The following PCCA variants were observed in gnomAD, a reference collection of about 807,000 sequenced individuals.
PCCA encodes the protein propionyl-CoA carboxylase alpha chain, mitochondrial.
PCCA carries 74 observed loss-of-function variants against 101.3 expected under a neutral mutation model. That is an observed-to-expected ratio of 0.73 (90% CI 0.61 to 0.89). The LOEUF is 0.89. Among genes scored for constraint, PCCA ranks in the 40% least tolerant of loss-of-function variants. The pLI, the probability that PCCA is intolerant of heterozygous loss-of-function variation, is 0.00. For synonymous variants in PCCA, 294 were observed against 313.6 expected, an observed-to-expected ratio of 0.94 and a Z score of 0.66; for missense variants, 891 against 907.0, an observed-to-expected ratio of 0.98 and a Z score of 0.23.
chr13:100,289,420 A>G (rs2064955425), intron 12 of PCCA, among the ~76,000 whole-genome samples: 1 of 152,122 alleles, frequency 6.6e-6, no homozygotes, highest in Non-Finnish European at 1.5e-5. Flanking sequence ...AAGTGCTGGG[A>G]TTATAGGAGT....
rs1227066453 is a variant in PCCA at position 100,530,114 on chromosome 13, G to A, written c.2135G>A (p.Cys712Tyr). Reference sequence around the variant, plus strand: ...AAATTCAAGGTGAAATCTGTGCACTGTCAAGCTGGAGACACAGTTGGAGAA... The same window carrying A: ...AAATTCAAGGTGAAATCTGTGCACTATCAAGCTGGAGACACAGTTGGAGAA... ...GKTGTVKSVHCQAGDTVGEGD... is the reference protein window; with the variant it reads ...GKTGTVKSVHYQAGDTVGEGD... The change falls in exon 24 of 24, where the codon TGT becomes TAT. Residue 712 changes from cysteine (C) to tyrosine (Y), a missense_variant. Coordinates refer to ENST00000376285, the MANE Select transcript of PCCA (RefSeq NM_000282.4). 31 of 1,613,914 alleles carry A rather than the reference G, an allele frequency of 1.9e-5. No homozygotes were observed. The highest frequency in any genetic ancestry group is 2.6e-5 in the Non-Finnish European group (31 of 1,179,928).
intron 21 of PCCA, among the ~76,000 whole-genome samples, chr13:100,504,858 G>A (rs1411783459): frequency 1.3e-5 from 2 of 152,110 alleles, no homozygotes; most frequent in East Asian, 1.9e-4. Context: ...ACTTGAACCT[G>A]GGAGGCGGAG....
At chr13:100,355,841 A>G (rs1241045141) in intron 18 of PCCA, among the ~76,000 whole-genome samples, 2 of 152,148 alleles carry the variant, frequency 1.3e-5, no homozygotes, top group African/African-American at 4.8e-5. Flanking sequence ...AATGAAGTTC[A>G]GAGGCTCCTA....
intron 21 of PCCA, among the ~76,000 whole-genome samples, chr13:100,468,674 C>A (rs1025340737): frequency 1.3e-5 from 2 of 152,134 alleles, no homozygotes; most frequent in Non-Finnish European, 2.9e-5. Context: ...GGGCCTTGCT[C>A]TGGAGTAGGC....
At chr13:100,173,379 C>G (rs1566633812) in intron 6 of PCCA, among the ~76,000 whole-genome samples, 1 of 152,062 alleles carries the variant, frequency 6.6e-6, no homozygotes, top group Non-Finnish European at 1.5e-5. Flanking sequence ...GGAATAACGG[C>G]ATTTGGTAGA....
chr13:100,485,617 A>G (rs2084313409), intron 21 of PCCA, among the ~76,000 whole-genome samples: 2 of 152,188 alleles, frequency 1.3e-5, no homozygotes, highest in African/African-American at 4.8e-5. Flanking sequence ...CAAGTTTCCT[A>G]AACGTACTAC....
At chr13:100,150,279 G>A (rs1159393671) in intron 4 of PCCA, among the ~76,000 whole-genome samples, 6 of 152,014 alleles carry the variant, frequency 3.9e-5, no homozygotes, top group Non-Finnish European at 5.9e-5. Context: ...TGATCCACCC[G>A]CCTCGGCCTC....
chr13:100,119,910 T>G (rs1276357637), intron 4 of PCCA, among the ~76,000 whole-genome samples: 2 of 152,108 alleles, frequency 1.3e-5, no homozygotes, highest in Non-Finnish European at 2.9e-5. Flanking sequence ...TTGCTCTTGT[T>G]GTCCAGGCTG....
intron 14 of PCCA, among the ~76,000 whole-genome samples, chr13:100,303,890 T>A (rs1369027069): frequency 6.6e-6 from 1 of 152,208 alleles, no homozygotes; most frequent in Non-Finnish European, 1.5e-5. Flanking sequence ...TTGTGAAGAT[T>A]TAACAGGCAT....
chr13:100,190,724 G>A (rs1334098355), intron 6 of PCCA, among the ~76,000 whole-genome samples: 1 of 151,986 alleles, frequency 6.6e-6, no homozygotes, highest in Non-Finnish European at 1.5e-5. Context: ...CACTTTGGGA[G>A]GCCAAGGCAT....
intron 21 of PCCA, among the ~76,000 whole-genome samples, chr13:100,495,096 A>G (rs1210750045): frequency 1.3e-5 from 2 of 151,732 alleles, no homozygotes; most frequent in African/African-American, 2.4e-5. Context: ...TGGTTGTCAC[A>G]GCTGGGAGGG....
chr13:100,468,735 A>G (rs1458967814), intron 21 of PCCA, among the ~76,000 whole-genome samples: 2 of 152,178 alleles, frequency 1.3e-5, no homozygotes, highest in South Asian at 2.1e-4. Flanking sequence ...GGAGACCACT[A>G]AAACTTAGGC....
intron 17 of PCCA, among the ~76,000 whole-genome samples, chr13:100,332,012 T>G (rs1054539355): frequency 6.7e-6 from 1 of 149,526 alleles, no homozygotes; most frequent in African/African-American, 2.4e-5. Context: ...CAGTCTTGGC[T>G]TACTGCAACT....
intron 5 of PCCA, among the ~76,000 whole-genome samples, chr13:100,156,795 C>A (rs1442565532): frequency 1.3e-5 from 2 of 152,134 alleles, no homozygotes; most frequent in East Asian, 3.8e-4. Flanking sequence ...TCCTAGTAGT[C>A]TGGGTTTTGG....
In PCCA at chr13:100,340,273, T is replaced by TA; in HGVS notation, c.1643+14_1643+15insA. On this transcript the variant is annotated intron_variant, in intron 18 of 23. Coordinates refer to ENST00000376285, the MANE Select transcript of PCCA (RefSeq NM_000282.4). ...AGAAAATTCAAGGTATGGTAGATCA[T>TA]TTAAAACAGAATAAATGAGCAGAAC... 1.6e-6 allele frequency: 2 copies of TA among 1,288,548 alleles called. No homozygotes were observed. Among genetic ancestry groups the TA allele is most frequent in the Non-Finnish European group, 2.3e-6 (2 of 883,132 alleles). The allele number at this position is 1,288,548 out of a possible 1,614,324, so 79.8% of individuals were successfully genotyped here.
chr13:100,201,500 A>T (rs1356802259), intron 6 of PCCA, among the ~76,000 whole-genome samples: 2 of 152,234 alleles, frequency 1.3e-5, no homozygotes, highest in East Asian at 1.9e-4. Context: ...ATTTAAAAAA[A>T]TTTTTGCCTA....
chr13:100,407,755 TA>T (rs2077770647), intron 19 of PCCA, among the ~76,000 whole-genome samples: 1 of 152,200 alleles, frequency 6.6e-6, no homozygotes, highest in African/African-American at 2.4e-5. Context: ...AACCTTTTGC[TA>T]AAAAACACAT....
intron 21 of PCCA, among the ~76,000 whole-genome samples, chr13:100,498,128 A>G (rs2085404904): frequency 6.6e-6 from 1 of 151,798 alleles, no homozygotes; most frequent in Admixed American, 6.6e-5. Context: ...TCAGCCTCCC[A>G]AAGTGCTGAG....
At chr13:100,170,400 A>G (rs558098602) in intron 6 of PCCA, among the ~76,000 whole-genome samples, 1 of 152,342 alleles carries the variant, frequency 6.6e-6, no homozygotes, top group Admixed American at 6.5e-5. Context: ...TTTTAAATGC[A>G]TGCTTTCTAA....
Sources: allele counts gnomAD v4.1 joint callset (sites outside exome capture counted in the v4.1 genomes callset), GRCh38; gene constraint gnomAD v4.1.1; transcripts MANE v1.5; gene names NCBI Gene and HGNC (gene_info 2026-07-23, HGNC 2026-07-21).